The following TEP1 variants were observed in gnomAD, a reference collection of about 807,000 sequenced individuals.
The protein encoded by TEP1 is telomerase protein component 1.
A neutral mutation model predicts 306.3 loss-of-function variants in TEP1; 241 were observed. That is an observed-to-expected ratio of 0.79 (90% CI 0.71 to 0.88). The LOEUF (loss-of-function observed/expected upper bound fraction) is 0.88. TEP1 is among the 40% of genes least tolerant of loss of function. The pLI is 0.00. For synonymous variants in TEP1, 1,289 were observed against 1,305.5 expected, an observed-to-expected ratio of 0.99 and a Z score of 0.27; for missense variants, 3,051 against 3,276.1, an observed-to-expected ratio of 0.93 and a Z score of 1.68.
At chr14:20,376,603 C>T (rs1005183956) in intron 41 of TEP1, among the ~76,000 whole-genome samples, 3 of 152,224 alleles carry the variant, frequency 2.0e-5, no homozygotes, top group Admixed American at 6.5e-5. Flanking sequence ...CACCTCGTGA[C>T]CTGTGAGGAC....
Position 20,388,070 on chromosome 14 carries a change from TA to T in TEP1, c.2526-8del. The T allele has an allele frequency of 6.2e-7, 1 of 1,613,774 alleles. No homozygotes were observed. ...CCCATGCTCTGCAATGAACCTGACATAAATAACAAGATAAATGAGAGTAGAA... is the reference window on the plus strand; with the variant it reads ...CCCATGCTCTGCAATGAACCTGACATAATAACAAGATAAATGAGAGTAGAA... On this transcript the variant is annotated splice_polypyrimidine_tract_variant and splice_region_variant and intron_variant, in intron 17 of 54. Coordinates refer to ENST00000262715, the MANE Select transcript of TEP1 (RefSeq NM_007110.5).
chr14:20,404,405 T>TC (rs889072728), intron 5 of TEP1, among the ~76,000 whole-genome samples: 1 of 152,080 alleles, frequency 6.6e-6, no homozygotes, highest in African/African-American at 2.4e-5. Flanking sequence ...CATTTTTTTT[T>TC]CTCAAACTTT....
Position 20,396,635 on chromosome 14 carries a change from T to C in TEP1, c.1645A>G (p.Arg549Gly), listed in dbSNP as rs1878224925. 1.2e-6 allele frequency: 2 copies of C among 1,609,144 alleles called. No individual in the cohort carries two copies. Among genetic ancestry groups the C allele is most frequent in the African/African-American group, 2.7e-5 (2 of 74,844 alleles). Residue 549 changes from arginine (R) to glycine (G), a missense_variant, in exon 10 of 55, where the codon AGA (arginine) becomes GGA (glycine). Transcript: ENST00000262715. The part of the protein sequence containing the change: ...SSRHHELILQ[R>G]LQHAKSVIHS... ...CTCACACATACCGCATGCTGGAGTC[T>C]CTGGAGAATGAGCTCATGGTGGCGG...
intron 13 of TEP1, 145 bp from the exon 14 acceptor site, chr14:20,391,241 G>A (rs1282107503): frequency 5.8e-6 from 5 of 858,006 alleles, no homozygotes; most frequent in Non-Finnish European, 8.8e-6. Flanking sequence ...GTCAGCTTCA[G>A]CAGCCCTCAG....
At chr14:20,412,113 C>A (rs1467827523) in intron 1 of TEP1, among the ~76,000 whole-genome samples, 2 of 152,254 alleles carry the variant, frequency 1.3e-5, no homozygotes, top group South Asian at 4.1e-4. Context: ...GAATGACTAA[C>A]AATCCAGGGC....
At chr14:20,394,267 T>C (rs781176716) in intron 12 of TEP1, among the ~76,000 whole-genome samples, 4 of 152,184 alleles carry the variant, frequency 2.6e-5, no homozygotes, top group Non-Finnish European at 4.4e-5. Flanking sequence ...CTGCATTTTA[T>C]TTAACCCAAT....
rs112881080 is a variant in TEP1, at chr14:20,408,278, C to T, written c.162G>A (p.Thr54=). 2.6e-4 allele frequency: 413 copies of T among 1,612,930 alleles called. 3 individuals carry two copies. Among genetic ancestry groups the T allele is most frequent in the African/African-American group, 2.5e-3 (190 of 74,748 alleles). The stretch of plus-strand genomic sequence containing the variant: ...TTTCCATGGTCTTCAGGTCAGGAAG[C>T]GTGGCTAGGCACTGGTTCTTCAAGG... The part of the protein sequence containing the change: ...ILSLKNQCLA[T]LPDLKTMEKP... Residue 54 remains threonine, a synonymous_variant, in exon 2 of 55, where the codon ACG becomes ACA. Coordinates refer to ENST00000262715, the MANE Select transcript of TEP1 (RefSeq NM_007110.5).
chr14:20,394,304 GTAAT>G (rs1376564475), intron 12 of TEP1, among the ~76,000 whole-genome samples: 1 of 152,092 alleles, frequency 6.6e-6, no homozygotes, highest in African/African-American at 2.4e-5. Flanking sequence ...ATGTCAGCCT[GTAAT>G]TAATACAAAA....
chr14:20,403,030 G>A (rs531429813), intron 7 of TEP1, among the ~76,000 whole-genome samples: 7 of 152,060 alleles, frequency 4.6e-5, no homozygotes, highest in African/African-American at 1.2e-4. Flanking sequence ...GGTGGCACAC[G>A]CCTGTAGTCC....
In TEP1 at chr14:20,403,809, C is replaced by A. The variant is rs150338133; in HGVS notation, c.1108G>T (p.Ala370Ser). Residue 370 changes from alanine to serine, a missense_variant, in exon 6 of 55, where the codon GCC (alanine) becomes TCC (serine). This residue lies in a region of TEP1 where 1,507 missense variants were observed against 1,550.5 expected (regional missense o/e 0.97). Coordinates refer to ENST00000262715, the MANE Select transcript of TEP1 (RefSeq NM_007110.5). ...GCCAGCTGGTACTCGTCAAACTGGG[C>A]AAATTTGTCCGTCATGGCAGTACGG... ...CLRTAMTDKF[A>S]QFDEYQLAKY... The A allele has an allele frequency of 4.7e-5, 76 of 1,613,968 alleles. No homozygotes were observed. The highest frequency in any genetic ancestry group is 5.8e-5 in the Non-Finnish European group (69 of 1,180,024).
Position 20,383,616 on chromosome 14 carries a change from G to A in TEP1, c.3739C>T (p.Leu1247=), listed in dbSNP as rs1876802188. The change falls in exon 26 of 55, where the codon CTG becomes TTG. Residue 1247 remains leucine, a synonymous_variant. Transcript: ENST00000262715. ...AGGGACTCAGCAGACTTGGGCAGCA[G>A]CCTCTGCTGCAGCTCCCACACCAGG... ...RSLVWELQQR[L]LPKSAESLHP... The A allele has an allele frequency of 3.1e-6, 5 of 1,613,770 alleles. No homozygotes were observed. The highest frequency in any genetic ancestry group is 1.6e-4 in the Middle Eastern group (1 of 6,062).
chr14:20,387,130 A>C (rs949106855), intron 18 of TEP1, among the ~76,000 whole-genome samples: 4 of 151,104 alleles, frequency 2.6e-5, no homozygotes, highest in East Asian at 4.0e-4. Context: ...GACAGGGTTT[A>C]GTCATGTTGG....
At chr14:20,385,947 A>T in intron 20 of TEP1, 128 bp downstream of exon 20, 1 of 1,349,538 alleles carries the variant, frequency 7.4e-7, no homozygotes, top group Non-Finnish European at 9.9e-7. Flanking sequence ...TTCAGCCTGT[A>T]TTTCACTTCA....
intron 1 of TEP1, among the ~76,000 whole-genome samples, chr14:20,409,376 G>A (rs1281072037): frequency 1.3e-5 from 2 of 152,026 alleles, no homozygotes; most frequent in African/African-American, 4.8e-5. Context: ...TACTTTCCTG[G>A]AGTGGTCTCA....
In TEP1 at chr14:20,383,613, G is replaced by A. The variant is rs777837648; in HGVS notation, c.3742C>T (p.Leu1248=). The change falls in exon 26 of 55, where the codon CTG becomes TTG. Residue 1248 remains leucine, a synonymous_variant. Coordinates refer to ENST00000262715, the MANE Select transcript of TEP1 (RefSeq NM_007110.5). ...TGCAGGGACTCAGCAGACTTGGGCA[G>A]CAGCCTCTGCTGCAGCTCCCACACC... ...SLVWELQQRL[L]PKSAESLHPG... The A allele has an allele frequency of 6.2e-7, 1 of 1,613,050 alleles. No homozygotes were observed. The highest frequency in any genetic ancestry group is 8.5e-7 in the Non-Finnish European group (1 of 1,179,808).
chr14:20,410,020 C>CA lies in TEP1; in HGVS notation c.-24-1558dup, dbSNP rs570672845. Among the ~76,000 whole-genome samples the CA allele has an allele frequency of 5.6e-3, 328 of 58,936 alleles. 39 individuals carry two copies. Among genetic ancestry groups the CA allele is most frequent in the Non-Finnish European group, 7.8e-3 (240 of 30,854 alleles). 38.7% of individuals were successfully genotyped at this position (58,936 alleles called of 152,430 possible). On this transcript the variant is annotated intron_variant, in intron 1 of 54. Coordinates refer to ENST00000262715, the MANE Select transcript of TEP1 (RefSeq NM_007110.5). Reference sequence around the variant, plus strand: ...TGGGCGACAGAGCAAGACTCTGTCTCAAAAAAAAAAAAAAAAAAAAAAAAA... The same window carrying CA: ...TGGGCGACAGAGCAAGACTCTGTCTCAAAAAAAAAAAAAAAAAAAAAAAAAA...
In TEP1 at chr14:20,379,090, C is replaced by G; in HGVS notation, c.5143G>C (p.Val1715Leu). 1.2e-6 allele frequency: 2 copies of G among 1,614,216 alleles called. No individual in the cohort carries two copies. Among genetic ancestry groups the G allele is most frequent in the African/African-American group, 1.3e-5 (1 of 75,078 alleles). ...GCAGAGATTCCATCACAGCCACTCA[C>G]CACAGACTTCTCCTCCTGCGACAGT... ...LRTWQEEKSV[V>L]SGCDGISACL... The change falls in exon 36 of 55, where the codon GTG becomes CTG. Residue 1715 changes from valine to leucine, a missense_variant. By Grantham distance (32) the Val-to-Leu change is conservative. Around this residue, in one of 3 missense-constraint regions of TEP1, gnomAD observed 1,540 missense variants for 1,705.9 expected, o/e 0.90. Coordinates refer to ENST00000262715, the MANE Select transcript of TEP1 (RefSeq NM_007110.5).
At position 20,377,423 on chromosome 14, in the gene TEP1, A is replaced by G. The variant is rs750654054; in HGVS notation, c.5945T>C (p.Val1982Ala). ...CCCATCTTCTGCACCACTCACCAAT[A>G]CCTTGGGGCTTAGCCAGGCCAGGGC... is the stretch of plus-strand genomic sequence containing the variant. Reference protein sequence around the residue: ...VSALAWLSPKVLVSGAEDGSL... With the variant: ...VSALAWLSPKALVSGAEDGSL... The change falls in exon 41 of 55, where the codon GTA becomes GCA. Residue 1982 changes from valine (V) to alanine (A), a missense_variant. This residue lies in a region of TEP1 where 1,540 missense variants were observed against 1,705.9 expected (regional missense o/e 0.90). Transcript: ENST00000262715. 1.2e-6 allele frequency: 2 copies of G among 1,613,842 alleles called. No homozygotes were observed. The highest frequency in any genetic ancestry group is 3.3e-5 in the Admixed American group (2 of 59,992).
intron 46 of TEP1, 24 bp from the exon 47 acceptor site, chr14:20,373,426 G>A (rs762615438): frequency 3.7e-6 from 6 of 1,614,022 alleles, no homozygotes; most frequent in Non-Finnish European, 5.1e-6. Context: ...ATGGAGATGG[G>A]CTCATGAGAG....
Sources: allele counts gnomAD v4.1 joint callset (sites outside exome capture counted in the v4.1 genomes callset), GRCh38; gene constraint gnomAD v4.1.1; regional missense constraint gnomAD v4.1.1; transcripts MANE v1.5; gene names NCBI Gene and HGNC (gene_info 2026-07-23, HGNC 2026-07-21).